PTCD3: variants seen among roughly 807,000 people sequenced by gnomAD.
PTCD3 encodes small ribosomal subunit protein mS39.
Under a neutral mutation model 101.9 loss-of-function variants are expected in PTCD3, and 89 were observed. That is an observed-to-expected ratio of 0.87 (90% CI 0.74 to 1.04). The LOEUF is 1.04. PTCD3 is among the 50% of genes least tolerant of loss of function. PTCD3 has a pLI of 0.00. For missense variants in PTCD3, 870 were observed against 828.2 expected, an observed-to-expected ratio of 1.05 and a Z score of -0.62; for synonymous variants, 296 against 278.5, an observed-to-expected ratio of 1.06 and a Z score of -0.63.
rs1413451960 is a variant in PTCD3 at position 86,137,581 on chromosome 2, A to AT, written c.*22_*23insT. 5.4e-6 allele frequency: 8 copies of AT among 1,494,448 alleles called. 1 individual carries two copies. In the South Asian group the frequency reaches 9.2e-5, roughly 17 times the overall value. The allele number at this position is 1,494,448 out of a possible 1,614,324, so 92.6% of individuals were successfully genotyped here. A position where few individuals can be genotyped will look rare whatever the true frequency, so the allele number is the denominator to read the frequency against. ...ATGAAAGTGGAGATTCAGGAGCAGC[A>AT]ATGGGTCTCACCATAGCTGCTGGAA... On this transcript the variant is annotated 3_prime_UTR_variant, in exon 24 of 24. Coordinates refer to ENST00000254630, the MANE Select transcript of PTCD3 (RefSeq NM_017952.6).
Position 86,133,209 on chromosome 2 carries a change from GA to G in PTCD3, c.1407del (p.Glu469AspfsTer7). The G allele has an allele frequency of 6.2e-7, 1 of 1,613,940 alleles. No homozygotes were observed. The highest frequency in any genetic ancestry group is 8.5e-7 in the Non-Finnish European group (1 of 1,179,972). ...GTTCTTCGATTTGATTTGTCTAATGGAACAAATTGATGTTACCTTGAAGTGG... is the reference window on the plus strand; with the variant it reads ...GTTCTTCGATTTGATTTGTCTAATGGACAAATTGATGTTACCTTGAAGTGG... The part of the protein sequence containing the change: ...SKFFDLICLM[E>X]QIDVTLKWYE... On this transcript the variant is annotated frameshift_variant, in exon 18 of 24. Coordinates refer to ENST00000254630, the MANE Select transcript of PTCD3 (RefSeq NM_017952.6). LOFTEE classifies it high-confidence loss of function.
chr2:86,124,950 G>T, intron 9 of PTCD3, 45 bp from the exon 10 acceptor site: 1 of 1,605,694 alleles, frequency 6.2e-7, no homozygotes, highest in South Asian at 1.1e-5. Context: ...AGCTCTCATT[G>T]GTATTTCTTA....
intron 13 of PTCD3, 27 bp from the exon 14 acceptor site, chr2:86,127,909 GTTTAT>G: frequency 6.4e-7 from 1 of 1,559,176 alleles, no homozygotes; most frequent in Non-Finnish European, 8.8e-7. Context: ...TTACCTCATT[GTTTAT>G]TTTTTCTGTC....
rs1235289258 is a variant in PTCD3, at chr2:86,133,167, C to T, written c.1374-11C>T. 1.2e-6 allele frequency: 2 copies of T among 1,610,724 alleles called. No homozygotes were observed. The highest frequency in any genetic ancestry group is 1.7e-6 in the Non-Finnish European group (2 of 1,179,036). ...ACTTTAGACTAAACATACTTTTTGC[C>T]TTCATCACAGTTCCAAGTTCTTCGA... On this transcript the variant is annotated splice_polypyrimidine_tract_variant and intron_variant, in intron 17 of 23. Coordinates refer to ENST00000254630, the MANE Select transcript of PTCD3 (RefSeq NM_017952.6).
At chr2:86,107,377 T>C (rs896150551) in intron 1 of PTCD3, among the ~76,000 whole-genome samples, 3 of 152,222 alleles carry the variant, frequency 2.0e-5, no homozygotes, top group South Asian at 2.1e-4. Context: ...TGAAATGTCC[T>C]TAACGTAGAG....
At chr2:86,109,785 G>C in intron 3 of PTCD3, among the ~76,000 whole-genome samples, 1 of 152,120 alleles carries the variant, frequency 6.6e-6, no homozygotes, top group South Asian at 2.1e-4. Context: ...AAAGTGAATG[G>C]ATAATTTTAA....
At chr2:86,107,489 A>G (rs1485344413) in intron 1 of PTCD3, among the ~76,000 whole-genome samples, 1 of 152,216 alleles carries the variant, frequency 6.6e-6, no homozygotes, top group African/African-American at 2.4e-5. Flanking sequence ...TACTGATGCC[A>G]TTTAGTAAGG....
chr2:86,118,389 T>C (rs1215177878), intron 6 of PTCD3, among the ~76,000 whole-genome samples: 1 of 152,182 alleles, frequency 6.6e-6, no homozygotes, highest in Non-Finnish European at 1.5e-5. Flanking sequence ...ACTCATCATA[T>C]CTAAACTGCT....
chr2:86,125,254 C>T (rs1282878152), intron 10 of PTCD3, among the ~76,000 whole-genome samples, 172 bp downstream of exon 10: 2 of 152,090 alleles, frequency 1.3e-5, no homozygotes, highest in Non-Finnish European at 2.9e-5. Context: ...TGTACTCCTC[C>T]CCCACTTTCA....
In PTCD3 at chr2:86,141,715, G is replaced by A. The variant is rs777411265; in HGVS notation, c.*4156G>A. 2 of 151,122 alleles carry A rather than the reference G, an allele frequency of 1.3e-5. No homozygotes were observed. Among genetic ancestry groups the A allele is most frequent in the African/African-American group, 2.5e-5 (1 of 40,350 alleles). The allele number at this position is 151,122 out of a possible 1,614,324, so 9.4% of individuals were successfully genotyped here. A position where few individuals can be genotyped will look rare whatever the true frequency, so the allele number is the denominator to read the frequency against. On this transcript the variant is annotated 3_prime_UTR_variant, in exon 24 of 24. Coordinates refer to ENST00000254630, the MANE Select transcript of PTCD3 (RefSeq NM_017952.6). The stretch of plus-strand genomic sequence containing the variant: ...AAGTAATTTCAGAGTAAAACAGATT[G>A]AGGATGAAACCAAGACAGAAGTGAT...
chr2:86,126,250 G>A (rs56762324), intron 12 of PTCD3, among the ~76,000 whole-genome samples: 1,536 of 137,202 alleles, frequency 0.011, 33 homozygotes, highest in African/African-American at 0.036. Context: ...AAAAGAAAAA[G>A]AAACAGAAGT....
intron 21 of PTCD3, chr2:86,135,194 G>A (rs1251772479): frequency 1.5e-5 from 7 of 457,274 alleles, no homozygotes; most frequent in Middle Eastern, 5.7e-4. Context: ...CAAACCATAC[G>A]CTGAGAATTA....
chr2:86,135,893 G>A, intron 21 of PTCD3: 1 of 518,592 alleles, frequency 1.9e-6, no homozygotes, highest in Non-Finnish European at 3.8e-6. Flanking sequence ...TTGGCGCAGG[G>A]GTACGGACCT....
intron 21 of PTCD3, 84 bp from the exon 22 acceptor site, chr2:86,136,437 C>T: frequency 7.4e-7 from 1 of 1,357,598 alleles, no homozygotes; most frequent in Non-Finnish European, 1.1e-6. Flanking sequence ...CATTTAGTCT[C>T]TGATTTCAGA....
At chr2:86,130,537 G>C (rs1674476225) in intron 14 of PTCD3, 111 bp from the exon 15 acceptor site, 2 of 1,491,348 alleles carry the variant, frequency 1.3e-6, no homozygotes, top group African/African-American at 2.8e-5. Flanking sequence ...TCTATGCGAG[G>C]ACTTAGGCTG....
rs150074245 is a variant in PTCD3, at chr2:86,110,915, A to G, written c.195-198A>G. The G allele has an allele frequency of 6.5e-5, 48 of 742,888 alleles. No homozygotes were observed. In the African/African-American group the frequency reaches 7.7e-4, roughly 12 times the overall value. 46.0% of individuals were successfully genotyped at this position (742,888 alleles called of 1,614,324 possible). A position where few individuals can be genotyped will look rare whatever the true frequency, so the allele number is the denominator to read the frequency against. On this transcript the variant is annotated intron_variant, in intron 3 of 23. Transcript: ENST00000254630. ...ACCAGGCCAGAGAGGACAGGCAAAG[A>G]GAGGAACATGTACCAACTAGGGGAA...
At position 86,137,577 on chromosome 2, in the gene PTCD3, C is replaced by G. The variant is rs1453916342; in HGVS notation, c.*18C>G. The G allele has an allele frequency of 1.3e-6, 2 of 1,494,696 alleles. No individual in the cohort carries two copies. The highest frequency in any genetic ancestry group is 1.8e-6 in the Non-Finnish European group (2 of 1,122,226). The allele number at this position is 1,494,696 out of a possible 1,614,324, so 92.6% of individuals were successfully genotyped here. A position where few individuals can be genotyped will look rare whatever the true frequency, so the allele number is the denominator to read the frequency against. On this transcript the variant is annotated 3_prime_UTR_variant, in exon 24 of 24. Transcript: ENST00000254630. ...GCAAATGAAAGTGGAGATTCAGGAGCAGCAATGGGTCTCACCATAGCTGCT... is the reference window on the plus strand; with the variant it reads ...GCAAATGAAAGTGGAGATTCAGGAGGAGCAATGGGTCTCACCATAGCTGCT...
At chr2:86,127,375 C>A in intron 13 of PTCD3, 70 bp downstream of exon 13, 5 of 1,473,906 alleles carry the variant, frequency 3.4e-6, no homozygotes, top group Non-Finnish European at 4.6e-6. Flanking sequence ...GCTACATAAG[C>A]AAAGAGCTTT....
chr2:86,132,246 CTGT>C (rs1674506473), intron 16 of PTCD3, 69 bp from the exon 17 acceptor site: 2 of 874,452 alleles, frequency 2.3e-6, no homozygotes, highest in Non-Finnish European at 1.8e-6. Flanking sequence ...AGACACTCTA[CTGT>C]TGTTATTTAT....
Sources: gnomAD v4.1 joint callset for allele counts (sites outside exome capture counted in the v4.1 genomes callset) on GRCh38, gnomAD v4.1.1 for gene constraint, MANE v1.5 for transcripts, NCBI Gene and HGNC (gene_info 2026-07-23, HGNC 2026-07-21) for gene names.